Variants in LRRC37A2 observed in about 807,000 individuals in gnomAD.
LRRC37A2 encodes leucine rich repeat containing 37 member A2.
LRRC37A2 carries 9 observed loss-of-function variants against 68.8 expected under a neutral mutation model. The ratio of observed to expected loss-of-function variants is 0.13; its 90% confidence interval spans 0.08 to 0.23. The LOEUF (loss-of-function observed/expected upper bound fraction) is 0.23. Ranked by LOEUF, LRRC37A2 falls within the 10% of genes least tolerant of loss-of-function variation. The pLI is 1.00. For missense variants in LRRC37A2, 168 were observed against 950.4 expected, an observed-to-expected ratio of 0.18 and a Z score of 10.82; for synonymous variants, 63 against 367.6, an observed-to-expected ratio of 0.17 and a Z score of 9.48.
chr17:46,541,862 AG>A (rs1193118470), intron 8 of LRRC37A2, among the ~76,000 whole-genome samples: 1 of 150,550 alleles, frequency 6.6e-6, no homozygotes, highest in African/African-American at 2.5e-5. Context: ...TGGTATCTGC[AG>A]GGGGTCCTGG....
At chr17:47,036,522 G>A in the LRRC37A2 span, among the ~76,000 whole-genome samples, 1 of 152,060 alleles carries the variant, frequency 6.6e-6, no homozygotes, top group East Asian at 1.9e-4. Flanking sequence ...ATAATTGTGT[G>A]AGATGTAGGG....
At chr17:46,711,170 A>AT in the LRRC37A2 span, 1 of 1,433,898 alleles carries the variant, frequency 7.0e-7, no homozygotes, top group South Asian at 1.6e-5. Flanking sequence ...AAAAAGCAGC[A>AT]TTTTTTAAAA....
chr17:46,966,500 AC>A, the LRRC37A2 span: 1 of 683,198 alleles, frequency 1.5e-6, no homozygotes, highest in East Asian at 2.8e-5. Flanking sequence ...GGTGCACCCC[AC>A]CACACCCGAT....
At chr17:46,742,809 A>G in the LRRC37A2 span, among the ~76,000 whole-genome samples, 1 of 152,252 alleles carries the variant, frequency 6.6e-6, no homozygotes, top group Non-Finnish European at 1.5e-5. Context: ...GCTAGAAACA[A>G]GATTCAGGCT....
At chr17:46,612,329 G>A in the LRRC37A2 span, among the ~76,000 whole-genome samples, 1 of 32,900 alleles carries the variant, frequency 3.0e-5, no homozygotes, top group Non-Finnish European at 5.1e-5. Context: ...AAGTTTTGCA[G>A]TTCCTTAAAA....
At chr17:46,923,127 A>G in the LRRC37A2 span, 4 of 1,125,200 alleles carry the variant, frequency 3.6e-6, no homozygotes, top group Admixed American at 2.0e-5. Flanking sequence ...GGAAACCGGA[A>G]GGGGGGCTGT....
At chr17:46,948,486 T>A in the LRRC37A2 span, 1 of 152,266 alleles carries the variant, frequency 6.6e-6, no homozygotes. Flanking sequence ...TGTATTCCTG[T>A]GTTCTTCATC....
chr17:46,905,206 G>T, the LRRC37A2 span, among the ~76,000 whole-genome samples: 1 of 152,078 alleles, frequency 6.6e-6, no homozygotes, highest in South Asian at 2.1e-4. Flanking sequence ...TCAAGTAGCT[G>T]GGATTAAAGG....
chr17:47,043,368 G>A, the LRRC37A2 span, among the ~76,000 whole-genome samples: 5 of 150,812 alleles, frequency 3.3e-5, 1 homozygote, highest in Non-Finnish European at 5.9e-5. Context: ...GCATGGTGGC[G>A]GGCACCTGTA....
the LRRC37A2 span, chr17:46,756,154 C>A: frequency 8.8e-6 from 2 of 227,084 alleles, no homozygotes; most frequent in Non-Finnish European, 1.7e-5. Flanking sequence ...CTAGCACCAT[C>A]ACCCTTGAAA....
the LRRC37A2 span, among the ~76,000 whole-genome samples, chr17:46,821,448 G>A: frequency 6.6e-6 from 1 of 152,200 alleles, no homozygotes; most frequent in African/African-American, 2.4e-5. Context: ...AGGGGAGGGC[G>A]GGCGCCCCTG....
At chr17:47,000,548 T>G in the LRRC37A2 span, among the ~76,000 whole-genome samples, 1 of 152,082 alleles carries the variant, frequency 6.6e-6, no homozygotes, top group African/African-American at 2.4e-5. Context: ...ATTACTTTTT[T>G]GGGGGAAGCT....
the LRRC37A2 span, chr17:46,966,739 G>T: frequency 2.1e-6 from 1 of 470,770 alleles, no homozygotes; most frequent in South Asian, 4.5e-5. Context: ...AGCAATTTGT[G>T]CCTTGTTTCA....
the LRRC37A2 span, among the ~76,000 whole-genome samples, chr17:46,967,982 C>T: frequency 6.6e-6 from 1 of 152,136 alleles, no homozygotes; most frequent in African/African-American, 2.4e-5. Flanking sequence ...ACAGGGTTTC[C>T]TGCTAGGTGG....
the LRRC37A2 span, among the ~76,000 whole-genome samples, chr17:46,864,332 C>T: frequency 6.6e-6 from 1 of 152,222 alleles, no homozygotes; most frequent in Non-Finnish European, 1.5e-5. Context: ...CACATCCCCA[C>T]ACCAAGCTCC....
At chr17:47,002,537 C>T in the LRRC37A2 span, among the ~76,000 whole-genome samples, 2 of 151,998 alleles carry the variant, frequency 1.3e-5, no homozygotes, top group Non-Finnish European at 2.9e-5. Context: ...ATTACAGGCA[C>T]GTGCCACTAG....
At chr17:46,923,261 C>T in the LRRC37A2 span, 3 of 1,549,748 alleles carry the variant, frequency 1.9e-6, no homozygotes, top group Non-Finnish European at 2.6e-6. Flanking sequence ...CTAGACGAGG[C>T]GAGGCCAGGT....
At chr17:46,822,894 G>T in the LRRC37A2 span, among the ~76,000 whole-genome samples, 16 of 151,668 alleles carry the variant, frequency 1.1e-4, no homozygotes, top group Non-Finnish European at 1.8e-4. Context: ...CCTGGATCCC[G>T]AGATCACAGG....
the LRRC37A2 span, among the ~76,000 whole-genome samples, chr17:46,942,455 CTCA>C: frequency 1.3e-5 from 2 of 152,236 alleles, no homozygotes; most frequent in Non-Finnish European, 2.9e-5. Flanking sequence ...GAGCTGGCCC[CTCA>C]TCCAGCTTGG....
Sources: allele counts gnomAD v4.1 joint callset (sites outside exome capture counted in the v4.1 genomes callset), GRCh38; gene constraint gnomAD v4.1.1; transcripts MANE v1.5; gene names NCBI Gene and HGNC (gene_info 2026-07-23, HGNC 2026-07-21).